The following CPVL variants were observed in gnomAD, a reference collection of about 807,000 sequenced individuals.
CPVL encodes carboxypeptidase vitellogenic like.
In CPVL, 51 loss-of-function variants were observed where a neutral mutation model predicts 63.7. The ratio of observed to expected loss-of-function variants is 0.80; its 90% CI spans 0.64 to 1.01. The LOEUF (loss-of-function observed/expected upper bound fraction) is 1.01. Among genes scored for constraint, CPVL ranks in the 50% least tolerant of loss-of-function variants. CPVL has a pLI of 0.00. For missense variants in CPVL, 530 were observed against 573.1 expected, an observed-to-expected ratio of 0.92 and a Z score of 0.77; for synonymous variants, 195 against 206.0, an observed-to-expected ratio of 0.95 and a Z score of 0.46.
At chr7:29,045,332 C>T (rs368737955) in intron 11 of CPVL, among the ~76,000 whole-genome samples, 2 of 152,038 alleles carry the variant, frequency 1.3e-5, no homozygotes, top group South Asian at 2.1e-4. Flanking sequence ...TGGATTATAA[C>T]GGATACAGAT....
intron 3 of CPVL, among the ~76,000 whole-genome samples, chr7:29,106,855 T>C (rs1172787903): frequency 6.6e-6 from 1 of 152,198 alleles, no homozygotes; most frequent in Non-Finnish European, 1.5e-5. Context: ...CAAAACTTAA[T>C]GGCTTAAGAC....
intron 12 of CPVL, 88 bp downstream of exon 12, chr7:29,030,489 G>T (rs1287604334): frequency 1.3e-5 from 17 of 1,273,636 alleles, no homozygotes; most frequent in Non-Finnish European, 2.2e-6. Context: ...TTTGCTTAAG[G>T]TCGGCCATGT....
intron 11 of CPVL, among the ~76,000 whole-genome samples, chr7:29,051,981 A>T (rs10951209): frequency 6.6e-6 from 1 of 150,494 alleles, no homozygotes; most frequent in South Asian, 2.1e-4. Context: ...AACCATAAAA[A>T]GGAATGAATT....
At chr7:29,049,508 T>C (rs1000462281) in intron 11 of CPVL, among the ~76,000 whole-genome samples, 4 of 152,112 alleles carry the variant, frequency 2.6e-5, no homozygotes, top group East Asian at 1.9e-4. Flanking sequence ...AGCAGCGAGA[T>C]TGAAATGGTA....
rs551033528 is a variant in CPVL, at chr7:29,176,796, G to A, written c.-11+4494C>T. Among the ~76,000 whole-genome samples the A allele has an allele frequency of 2.0e-5, 3 of 152,246 alleles. No homozygotes were observed. In the South Asian group the frequency reaches 6.2e-4, roughly 32 times the overall value. ...CGAGATTGAGCTGAAATACTAGAAG[G>A]AAGAGCATATAAATAGGAAGCCAGG... On this transcript the variant is annotated intron_variant, in intron 5 of 16. Transcript: ENST00000409850.
Position 29,146,294 on chromosome 7 carries a change from T to C in CPVL, c.-11+135A>G, listed in dbSNP as rs76609459. ...CACGACCACCCCACTCCAGTCTCACTCTACGGTGCTTTCTCCCCTGTTGGT... is the reference window on the plus strand; with the variant it reads ...CACGACCACCCCACTCCAGTCTCACCCTACGGTGCTTTCTCCCCTGTTGGT... On this transcript the variant is annotated intron_variant, in intron 1 of 12. Transcript: ENST00000265394. The C allele has an allele frequency of 0.062, 21,807 of 353,218 alleles. 797 individuals carry two copies. The highest frequency in any genetic ancestry group is 0.074 in the Middle Eastern group (95 of 1,276). The allele number at this position is 353,218 out of a possible 1,614,324, so 21.9% of individuals were successfully genotyped here. A position where few individuals can be genotyped will look rare whatever the true frequency, so the allele number is the denominator to read the frequency against.
rs71555785 is a variant in CPVL, at chr7:29,169,861, CGT to C, written c.-11+11427_-11+11428del. On this transcript the variant is annotated intron_variant, in intron 5 of 16. Coordinates refer to the CPVL transcript ENST00000409850. ...ACACACATATATATAAGTATATATA[CGT>C]GTGTGTGTGTGTGTGTGTATATATA... 6.7e-4 allele frequency among the ~76,000 whole-genome samples: 99 copies of C among 147,804 alleles called. 1 individual carries two copies. The highest frequency in any genetic ancestry group is 2.0e-3 in the African/African-American group (80 of 39,888).
At chr7:29,038,621 C>T (rs1584063505) in intron 11 of CPVL, among the ~76,000 whole-genome samples, 1 of 152,320 alleles carries the variant, frequency 6.6e-6, no homozygotes, top group East Asian at 1.9e-4. Flanking sequence ...GAGGCACACC[C>T]CCACCCCTGC....
At chr7:29,001,133 C>T (rs1018451458) in intron 12 of CPVL, 2 of 152,128 alleles carry the variant, frequency 1.3e-5, no homozygotes, top group African/African-American at 4.8e-5. Context: ...CCAATAAAAT[C>T]AGTGATTAAT....
chr7:29,167,549 G>A (rs77337147), intron 5 of CPVL, among the ~76,000 whole-genome samples: 3,507 of 152,172 alleles, frequency 0.023, 152 homozygotes, highest in African/African-American at 0.077. Context: ...TTGCTGAGTC[G>A]AAGACTATAT....
intron 4 of CPVL, 96 bp downstream of exon 4, chr7:29,096,007 T>A: frequency 2.1e-6 from 2 of 958,906 alleles, no homozygotes; most frequent in Non-Finnish European, 3.4e-6. Context: ...GTTAAGCTAT[T>A]CATAGTGGTT....
At chr7:29,178,408 C>A (rs941013536) in intron 5 of CPVL, among the ~76,000 whole-genome samples, 6 of 152,140 alleles carry the variant, frequency 3.9e-5, no homozygotes, top group African/African-American at 1.2e-4. Context: ...TCCTTTGACG[C>A]CAGCTCCACT....
chr7:29,181,641 A>G (rs1029021258), intron 4 of CPVL, among the ~76,000 whole-genome samples: 7 of 152,234 alleles, frequency 4.6e-5, no homozygotes, highest in Admixed American at 4.6e-4. Context: ...TCCAAAAGGA[A>G]AGTAGCTTTA....
At chr7:29,164,615 T>C (rs1184220652) in intron 5 of CPVL, among the ~76,000 whole-genome samples, 1 of 151,728 alleles carries the variant, frequency 6.6e-6, no homozygotes, top group Non-Finnish European at 1.5e-5. Flanking sequence ...ACCCCATCTC[T>C]ACTAAAAATA....
At chr7:29,131,510 T>C (rs1562785098) in intron 1 of CPVL, among the ~76,000 whole-genome samples, 1 of 152,176 alleles carries the variant, frequency 6.6e-6, no homozygotes, top group Non-Finnish European at 1.5e-5. Flanking sequence ...AAGCTTCACC[T>C]CCACTCTTTG....
At chr7:29,143,839 C>T (rs1250315642) in intron 1 of CPVL, among the ~76,000 whole-genome samples, 1 of 152,192 alleles carries the variant, frequency 6.6e-6, no homozygotes, top group African/African-American at 2.4e-5. Flanking sequence ...TCCTGCACCC[C>T]AGGGTCTGAG....
intron 5 of CPVL, among the ~76,000 whole-genome samples, chr7:29,158,973 A>C (rs1410263124): frequency 6.6e-6 from 1 of 152,220 alleles, no homozygotes; most frequent in African/African-American, 2.4e-5. Context: ...CGGCAATCGA[A>C]ATATCCTATG....
At chr7:29,057,039 C>A (rs1359550542) in intron 11 of CPVL, among the ~76,000 whole-genome samples, 1 of 144,506 alleles carries the variant, frequency 6.9e-6, no homozygotes, top group African/African-American at 2.6e-5. Flanking sequence ...CAACCTTGAA[C>A]TCTTGGGGTC....
rs571556298 is a variant in CPVL, at chr7:29,001,424, C to T, written c.1321-5542G>A. ...CTACTTTTATGCCATTCCACATTTA[C>T]TAAATCTTATCTTTTAGTTTGCTTT... On this transcript the variant is annotated intron_variant, in intron 12 of 12. Transcript: ENST00000265394. The T allele has an allele frequency of 7.2e-5, 11 of 152,282 alleles. No homozygotes were observed. The South Asian group carries it at 2.1e-3, about 29-fold the overall frequency. The allele number at this position is 152,282 out of a possible 1,614,324, so 9.4% of individuals were successfully genotyped here. A position where few individuals can be genotyped will look rare whatever the true frequency, so the allele number is the denominator to read the frequency against.
Sources: gnomAD v4.1 joint callset for allele counts (sites outside exome capture counted in the v4.1 genomes callset) on GRCh38, gnomAD v4.1.1 for gene constraint, MANE v1.5 for transcripts, NCBI Gene and HGNC (gene_info 2026-07-23, HGNC 2026-07-21) for gene names.